CACNB4: variants seen among roughly 807,000 people sequenced by gnomAD.
The protein encoded by CACNB4 is voltage-dependent L-type calcium channel subunit beta-4.
CACNB4 carries 32 observed loss-of-function variants against 71.2 expected under a neutral mutation model. That is an observed-to-expected ratio of 0.45 (90% confidence interval 0.34 to 0.60). The LOEUF is 0.60. Among genes scored for constraint, CACNB4 ranks in the 20% least tolerant of loss-of-function variants. CACNB4 has a pLI of 0.01. For missense variants in CACNB4, 464 were observed against 647.9 expected, an observed-to-expected ratio of 0.72 and a Z score of 3.08; for synonymous variants, 231 against 236.9, an observed-to-expected ratio of 0.97 and a Z score of 0.23.
chr2:151,932,873 G>A (rs1467217329), intron 2 of CACNB4, among the ~76,000 whole-genome samples: 1 of 150,748 alleles, frequency 6.6e-6, no homozygotes, highest in Non-Finnish European at 1.5e-5. Context: ...TTGGACACAG[G>A]GACAGACACT....
chr2:152,077,896 G>T (rs185568076), intron 2 of CACNB4, among the ~76,000 whole-genome samples: 55 of 152,248 alleles, frequency 3.6e-4, no homozygotes, highest in African/African-American at 1.3e-3. Context: ...ATCCATTAGA[G>T]GGTTTTAAAA....
chr2:151,860,965 C>A, intron 9 of CACNB4, 145 bp from the exon 10 acceptor site: 1 of 621,162 alleles, frequency 1.6e-6, no homozygotes, highest in Non-Finnish European at 2.9e-6. Context: ...GTATTTTAAA[C>A]AGGCTCTGGC....
At chr2:151,939,662 A>G (rs2099863774) in intron 2 of CACNB4, among the ~76,000 whole-genome samples, 1 of 152,130 alleles carries the variant, frequency 6.6e-6, no homozygotes, top group South Asian at 2.1e-4. Flanking sequence ...CACCAAAGTG[A>G]CTACCCATGA....
chr2:151,997,363 T>C (rs949965929), intron 2 of CACNB4, among the ~76,000 whole-genome samples: 42 of 151,846 alleles, frequency 2.8e-4, no homozygotes, highest in African/African-American at 7.5e-4. Flanking sequence ...TGAAACCCCG[T>C]CTCTACTAAA....
At position 151,974,732 on chromosome 2, in the gene CACNB4, G is replaced by A. The variant is rs542873973; in HGVS notation, c.148-91362C>T. Among the ~76,000 whole-genome samples, 63 of 149,134 alleles carry A rather than the reference G, an allele frequency of 4.2e-4. 1 individual carries two copies. The South Asian group carries it at 0.011, about 26-fold the overall frequency. On this transcript the variant is annotated intron_variant, in intron 2 of 13. Coordinates refer to ENST00000539935, the MANE Select transcript of CACNB4 (RefSeq NM_000726.5). Reference sequence around the variant, plus strand: ...CTCCCTCCACCTGCTGCTCCACACCGCAACTCAGGTGACCTAGGACAGGTC... The same window carrying A: ...CTCCCTCCACCTGCTGCTCCACACCACAACTCAGGTGACCTAGGACAGGTC...
rs139986051 is a variant in CACNB4, at chr2:152,049,057, G to A, written c.147+49273C>T. ...GATAAAGAAGGAAGAATTCATAAGCGGTAGCCTTGTATGTTTTTCAGCACT... is the reference window on the plus strand; with the variant it reads ...GATAAAGAAGGAAGAATTCATAAGCAGTAGCCTTGTATGTTTTTCAGCACT... On this transcript the variant is annotated intron_variant, in intron 2 of 13. Transcript: ENST00000539935. Among the ~76,000 whole-genome samples, 349 of 152,106 alleles carry A rather than the reference G, an allele frequency of 2.3e-3. 5 individuals are homozygous for A. The highest frequency in any genetic ancestry group is 2.5e-3 in the East Asian group (13 of 5,178).
At chr2:152,045,096 G>A (rs754876244) in intron 2 of CACNB4, among the ~76,000 whole-genome samples, 6 of 152,190 alleles carry the variant, frequency 3.9e-5, no homozygotes, top group Admixed American at 6.5e-5. Flanking sequence ...ACATAACTAT[G>A]CCTAGCACAT....
chr2:151,952,231 C>T (rs1005692941), intron 2 of CACNB4, among the ~76,000 whole-genome samples: 1 of 152,242 alleles, frequency 6.6e-6, no homozygotes, highest in Non-Finnish European at 1.5e-5. Flanking sequence ...GTCCTACCTA[C>T]GAGATGTATA....
chr2:151,888,862 ATAC>A (rs371522204), intron 2 of CACNB4, among the ~76,000 whole-genome samples: 26 of 152,354 alleles, frequency 1.7e-4, no homozygotes, highest in African/African-American at 6.3e-4. Context: ...AGTAATGCTG[ATAC>A]TACTAAACCA....
intron 2 of CACNB4, among the ~76,000 whole-genome samples, chr2:151,990,573 C>T (rs1248360044): frequency 6.6e-6 from 1 of 152,190 alleles, no homozygotes; most frequent in South Asian, 2.1e-4. Context: ...TTAACAATTA[C>T]CATAGTGCCT....
At chr2:152,040,026 C>T (rs1684793644) in intron 2 of CACNB4, among the ~76,000 whole-genome samples, 1 of 152,160 alleles carries the variant, frequency 6.6e-6, no homozygotes, top group South Asian at 2.1e-4. Context: ...TTTAATTCCA[C>T]CTTCTATTTC....
At chr2:152,034,705 C>T (rs1337025278) in intron 2 of CACNB4, among the ~76,000 whole-genome samples, 4 of 152,098 alleles carry the variant, frequency 2.6e-5, no homozygotes, top group Admixed American at 6.5e-5. Flanking sequence ...GGATGGCATC[C>T]GATACAGAGT....
At chr2:152,040,195 A>G (rs983783797) in intron 2 of CACNB4, among the ~76,000 whole-genome samples, 2 of 152,166 alleles carry the variant, frequency 1.3e-5, no homozygotes, top group African/African-American at 4.8e-5. Context: ...TAAAAAGTAG[A>G]ATTTTATACA....
chr2:151,932,503 T>C (rs527729629), intron 2 of CACNB4, among the ~76,000 whole-genome samples: 2 of 152,242 alleles, frequency 1.3e-5, no homozygotes, highest in African/African-American at 4.8e-5. Flanking sequence ...AAAAGATATG[T>C]TGAAGTCCTA....
At chr2:151,946,401 C>T (rs2099865632) in intron 2 of CACNB4, among the ~76,000 whole-genome samples, 2 of 151,902 alleles carry the variant, frequency 1.3e-5, no homozygotes, top group African/African-American at 2.4e-5. Flanking sequence ...TTCAGTGTTT[C>T]CCAGGACACA....
chr2:151,839,419 C>T (rs541019557), intron 13 of CACNB4, 40 bp from the exon 14 acceptor site: 1 of 1,481,028 alleles, frequency 6.8e-7, no homozygotes, highest in South Asian at 1.2e-5. Flanking sequence ...ATAATGTCAG[C>T]TTCATTCATC....
chr2:152,054,365 CAAAA>C (rs34291036), intron 2 of CACNB4, among the ~76,000 whole-genome samples: 887 of 85,184 alleles, frequency 0.01, 5 homozygotes, highest in African/African-American at 0.024. Flanking sequence ...AACTCCGTCT[CAAAA>C]AAAAAAAAAA....
At position 152,098,212 on chromosome 2, in the gene CACNB4, G is replaced by C; in HGVS notation, c.147+118C>G. ...CCCGAGCACCGGCCGAGGCCGGGAA[G>C]AGACGCGCGCGGGCTTGACCCGCAG... is the stretch of plus-strand genomic sequence containing the variant. On this transcript the variant is annotated intron_variant, in intron 2 of 13. Transcript: ENST00000539935. The surrounding 1 kb of genome is among the most constrained non-coding windows in gnomAD (Gnocchi z 5.3). 2 of 733,962 alleles carry C rather than the reference G, an allele frequency of 2.7e-6. No individual in the cohort carries two copies. Among genetic ancestry groups the C allele is most frequent in the Non-Finnish European group, 4.7e-6 (2 of 429,482 alleles). 45.5% of individuals were successfully genotyped at this position (733,962 alleles called of 1,614,324 possible). A position where few individuals can be genotyped will look rare whatever the true frequency, so the allele number is the denominator to read the frequency against.
At chr2:151,922,907 T>C (rs2099859319) in intron 2 of CACNB4, among the ~76,000 whole-genome samples, 1 of 152,250 alleles carries the variant, frequency 6.6e-6, no homozygotes, top group Non-Finnish European at 1.5e-5. Context: ...TTTTGCCTAC[T>C]GCAAAAGAAC....
Sources: allele counts gnomAD v4.1 joint callset (sites outside exome capture counted in the v4.1 genomes callset), GRCh38; gene constraint gnomAD v4.1.1; non-coding constraint Gnocchi (gnomAD v3.1); transcripts MANE v1.5; gene names NCBI Gene and HGNC (gene_info 2026-07-23, HGNC 2026-07-21).